The following UBA6 variants were observed in gnomAD, a reference collection of about 807,000 sequenced individuals.
UBA6 encodes the protein ubiquitin-like modifier-activating enzyme 6.
A neutral mutation model predicts 148.3 loss-of-function variants in UBA6; 87 were observed. The ratio of observed to expected loss-of-function variants is 0.59; its 90% CI spans 0.49 to 0.70. The LOEUF (loss-of-function observed/expected upper bound fraction) is 0.70, where lower values mean the gene tolerates loss of function less well. Among genes scored for constraint, UBA6 ranks in the 30% least tolerant of loss-of-function variants. The pLI, the probability that UBA6 is intolerant of heterozygous loss-of-function variation, is 0.00. For synonymous variants in UBA6, 376 were observed against 401.0 expected, an observed-to-expected ratio of 0.94 and a Z score of 0.75; for missense variants, 1,186 against 1,241.2, an observed-to-expected ratio of 0.96 and a Z score of 0.67.
In UBA6 at chr4:67,630,535, C is replaced by T; in HGVS notation, c.2259G>A (p.Leu753=). The change falls in exon 26 of 33, where the codon TTG becomes TTA. Residue 753 remains leucine, a splice_region_variant and synonymous_variant. Coordinates refer to ENST00000322244, the MANE Select transcript of UBA6 (RefSeq NM_018227.6). ...SPIKFDLNEP[L]HLSFLQNAAK... The stretch of plus-strand genomic sequence containing the variant: ...CAGCATTCTGAAGGAAACTGAGGTG[C>T]CTTTTGAAATTAAAAAATAAAGCAA... 6.4e-7 allele frequency: 1 copy of T among 1,566,758 alleles called. No individual in the cohort carries two copies. The highest frequency in any genetic ancestry group is 8.6e-7 in the Non-Finnish European group (1 of 1,157,640).
chr4:67,680,495 G>A (rs1319462626), intron 4 of UBA6, among the ~76,000 whole-genome samples: 1 of 152,008 alleles, frequency 6.6e-6, no homozygotes, highest in African/African-American at 2.4e-5. Context: ...GGCAAGGAAG[G>A]GAAATCTATA....
intron 26 of UBA6, among the ~76,000 whole-genome samples, chr4:67,629,707 A>G (rs189816276): frequency 6.6e-6 from 1 of 152,158 alleles, no homozygotes; most frequent in African/African-American, 2.4e-5. Flanking sequence ...TCACCACTAA[A>G]TTACCACTGA....
In UBA6 at chr4:67,663,203, T is replaced by A; in HGVS notation, c.973A>T (p.Ile325Phe). ...DFSNPEAPLE[I>F]HTAMLALDQF... ...TCCAAGGCAAGCATAGCTGTGTGAA[T>A]CTCTAAAGGTGCCTATTGAGAACAT... is the stretch of plus-strand genomic sequence containing the variant. Residue 325 changes from isoleucine (I) to phenylalanine (F), a missense_variant, in exon 12 of 33, where the codon ATT becomes TTT. Physicochemically the swap from Ile to Phe is conservative, Grantham distance 21. Coordinates refer to ENST00000322244, the MANE Select transcript of UBA6 (RefSeq NM_018227.6). The A allele has an allele frequency of 6.2e-7, 1 of 1,610,560 alleles. No individual in the cohort carries two copies. Among genetic ancestry groups the A allele is most frequent in the Non-Finnish European group, 8.5e-7 (1 of 1,178,712 alleles).
At chr4:67,689,754 A>C (rs373619327) in intron 2 of UBA6, among the ~76,000 whole-genome samples, 1 of 143,868 alleles carries the variant, frequency 7.0e-6, no homozygotes, top group Admixed American at 6.9e-5. Flanking sequence ...TCATATCCTT[A>C]GTTTTGGTTC....
chr4:67,691,508 G>A (rs544778527), intron 2 of UBA6, among the ~76,000 whole-genome samples: 9 of 152,264 alleles, frequency 5.9e-5, no homozygotes, highest in African/African-American at 2.2e-4. Flanking sequence ...ATCTTTGCCT[G>A]AGCAGTTCCT....
At chr4:67,688,542 G>C (rs1730623497) in intron 2 of UBA6, among the ~76,000 whole-genome samples, 4 of 152,132 alleles carry the variant, frequency 2.6e-5, no homozygotes, top group African/African-American at 9.6e-5. Flanking sequence ...CTTTGAGAGA[G>C]AGAACTCAGA....
At chr4:67,643,272 C>T (rs1173305687) in intron 17 of UBA6, among the ~76,000 whole-genome samples, 1 of 151,892 alleles carries the variant, frequency 6.6e-6, no homozygotes, top group Non-Finnish European at 1.5e-5. Context: ...TCTTAGGAGA[C>T]TAATTCTTTT....
In UBA6 at chr4:67,670,484, A is replaced by C. The variant is rs758297277; in HGVS notation, c.655T>G (p.Ser219Ala). ...TATAATCATACTTGCGTTATGTTTG[A>C]AATGAAAATTTCTTTTGGTTCTTCT... is the stretch of plus-strand genomic sequence containing the variant. ...TGEEPKEIFI[S>A]NITQANPGIV... The change falls in exon 8 of 33, where the codon TCA becomes GCA. Residue 219 changes from serine to alanine, a missense_variant. Coordinates refer to ENST00000322244, the MANE Select transcript of UBA6 (RefSeq NM_018227.6). 1.9e-6 allele frequency: 3 copies of C among 1,575,848 alleles called. No homozygotes were observed. Among genetic ancestry groups the C allele is most frequent in the Non-Finnish European group, 2.6e-6 (3 of 1,147,168 alleles).
Position 67,668,585 on chromosome 4 carries a change from C to A in UBA6, c.759G>T (p.Met253Ile). ...QFLTFREINGMTGLNGSIQQI... is the reference protein window; with the variant it reads ...QFLTFREINGITGLNGSIQQI... ...GTTGTATAGATCCATTTAAACCTGTCATTCCATTAATTTCTCGAAATGTTA... is the reference window on the plus strand; with the variant it reads ...GTTGTATAGATCCATTTAAACCTGTAATTCCATTAATTTCTCGAAATGTTA... The change falls in exon 9 of 33, where the codon ATG becomes ATT. Residue 253 changes from methionine to isoleucine, a missense_variant. By Grantham distance (10) the Met-to-Ile change is conservative. Transcript: ENST00000322244. The A allele has an allele frequency of 1.9e-6, 3 of 1,612,790 alleles. No homozygotes were observed. Among genetic ancestry groups the A allele is most frequent in the Non-Finnish European group, 2.5e-6 (3 of 1,178,968 alleles).
At chr4:67,623,579 A>G (rs1560476416) in intron 30 of UBA6, among the ~76,000 whole-genome samples, 1 of 152,182 alleles carries the variant, frequency 6.6e-6, no homozygotes. Context: ...GCCACGATAA[A>G]TAATGCCAGA....
chr4:67,615,877 T>G lies in UBA6; in HGVS notation c.*3120A>C, dbSNP rs1196947131. On this transcript the variant is annotated 3_prime_UTR_variant, in exon 33 of 33. Transcript: ENST00000322244. ...ATCATACAAGGTAGGATAGTGGTAA[T>G]TACCAAAGGGTACGTGGCAGGGAGC... The G allele has an allele frequency of 3.3e-6, 1 of 303,156 alleles. No homozygotes were observed. Among genetic ancestry groups the G allele is most frequent in the Non-Finnish European group, 6.0e-6 (1 of 165,954 alleles). 18.8% of individuals were successfully genotyped at this position (303,156 alleles called of 1,614,324 possible).
intron 2 of UBA6, among the ~76,000 whole-genome samples, chr4:67,682,603 T>C (rs747121953): frequency 2.0e-5 from 3 of 152,152 alleles, no homozygotes; most frequent in Non-Finnish European, 4.4e-5. Flanking sequence ...TCAACAGGAT[T>C]TCTGAGGCAA....
At chr4:67,654,715 T>C (rs1421431143) in intron 13 of UBA6, among the ~76,000 whole-genome samples, 3 of 116,418 alleles carry the variant, frequency 2.6e-5, no homozygotes, top group Non-Finnish European at 4.0e-5. Flanking sequence ...ATGGGCTAAA[T>C]ACCCCAATTA....
At chr4:67,665,431 G>GTTTTTTTTT in intron 9 of UBA6, 139 bp from the exon 10 acceptor site, 3 of 344,548 alleles carry the variant, frequency 8.7e-6, no homozygotes, top group Non-Finnish European at 1.0e-5. Context: ...TTGTTTGTTT[G>GTTTTTTTTT]TTTTTTTTTT....
chr4:67,634,279 A>G lies in UBA6; in HGVS notation c.1976T>C (p.Phe659Ser). The G allele has an allele frequency of 6.3e-7, 1 of 1,596,788 alleles. No homozygotes were observed. Among genetic ancestry groups the G allele is most frequent in the Non-Finnish European group, 8.5e-7 (1 of 1,175,616 alleles). The stretch of plus-strand genomic sequence containing the variant: ...TTCTGCAGATGAATAGGTTTGCCAA[A>G]ATTTGTTAAACAATGAAGGTTTGTG... ...FSHKPSLFNK[F>S]WQTYSSAEEV... Residue 659 changes from phenylalanine to serine, a missense_variant, in exon 22 of 33, where the codon TTT (phenylalanine) becomes TCT (serine). By Grantham distance (155) the Phe-to-Ser change is radical. Coordinates refer to ENST00000322244, the MANE Select transcript of UBA6 (RefSeq NM_018227.6).
Position 67,622,939 on chromosome 4 carries a change from T to A in UBA6, c.2929-14A>T, listed in dbSNP as rs954902414. ...TCCATACTTCTCCTAAAAGTGAATA[T>A]CCAAAAAAGAAACAATGAAAGCCTC... On this transcript the variant is annotated splice_polypyrimidine_tract_variant and intron_variant, in intron 31 of 32. Coordinates refer to ENST00000322244, the MANE Select transcript of UBA6 (RefSeq NM_018227.6). 2.5e-6 allele frequency: 4 copies of A among 1,580,088 alleles called. No homozygotes were observed. In the East Asian group the frequency reaches 9.0e-5, roughly 35 times the overall value.
intron 32 of UBA6, among the ~76,000 whole-genome samples, chr4:67,621,624 T>C (rs1728753265): frequency 6.6e-6 from 1 of 152,044 alleles, no homozygotes; most frequent in East Asian, 1.9e-4. Context: ...GCCAACATGG[T>C]GAAATCCGTC....
intron 10 of UBA6, among the ~76,000 whole-genome samples, chr4:67,664,884 T>C (rs971004504): frequency 6.6e-6 from 1 of 152,144 alleles, no homozygotes; most frequent in Non-Finnish European, 1.5e-5. Context: ...TTGTAATAAG[T>C]ATGATAAACT....
chr4:67,645,607 A>T (rs1431423631), intron 16 of UBA6, among the ~76,000 whole-genome samples: 3 of 152,178 alleles, frequency 2.0e-5, no homozygotes, highest in Non-Finnish European at 4.4e-5. Context: ...AGAAAAAAAA[A>T]AAAGAAATAC....
Sources: allele counts gnomAD v4.1 joint callset (sites outside exome capture counted in the v4.1 genomes callset), GRCh38; gene constraint gnomAD v4.1.1; transcripts MANE v1.5; gene names NCBI Gene and HGNC (gene_info 2026-07-23, HGNC 2026-07-21).